WDR27: variants seen among roughly 807,000 people sequenced by gnomAD.
WDR27 encodes WD repeat domain 27.
Under a neutral mutation model 114.4 loss-of-function variants are expected in WDR27, and 100 were observed. That is an observed-to-expected ratio of 0.87 (90% confidence interval 0.74 to 1.03). The LOEUF is 1.03. Ranked by LOEUF, WDR27 falls within the 50% of genes least tolerant of loss-of-function variation. WDR27 has a pLI of 0.00. For synonymous variants in WDR27, 449 were observed against 423.1 expected, an observed-to-expected ratio of 1.06 and a Z score of -0.75; for missense variants, 1,129 against 1,092.9, an observed-to-expected ratio of 1.03 and a Z score of -0.47.
At chr6:169,505,090 T>TA (rs556128250) in intron 25 of WDR27, among the ~76,000 whole-genome samples, 2 of 152,210 alleles carry the variant, frequency 1.3e-5, no homozygotes, top group African/African-American at 2.4e-5. Context: ...TAATAAGTGA[T>TA]ATGCAGTATT....
intron 14 of WDR27, among the ~76,000 whole-genome samples, chr6:169,650,991 C>T (rs1485156841): frequency 1.3e-5 from 2 of 152,006 alleles, no homozygotes; most frequent in Non-Finnish European, 2.9e-5. Flanking sequence ...ACAAGCAGAG[C>T]AGGGAAGGGC....
At chr6:169,651,193 GAGTGGGGGAGT>G (rs1822431966) in intron 14 of WDR27, among the ~76,000 whole-genome samples, 1 of 67,776 alleles carries the variant, frequency 1.5e-5, no homozygotes, top group African/African-American at 8.1e-5. Flanking sequence ...CGGGGGGGGG[GAGTGGGGGAGT>G]GGGGGAGTGG....
chr6:169,569,138 G>A (rs916649678), intron 25 of WDR27, among the ~76,000 whole-genome samples: 2 of 152,218 alleles, frequency 1.3e-5, no homozygotes, highest in Non-Finnish European at 2.9e-5. Flanking sequence ...CCGTGGGACC[G>A]TGATGCTACT....
intron 13 of WDR27, among the ~76,000 whole-genome samples, chr6:169,655,823 G>A (rs573028371): frequency 5.0e-4 from 76 of 152,286 alleles, no homozygotes; most frequent in African/African-American, 1.6e-3. Flanking sequence ...GGGTTCAAGC[G>A]ATTCTCCTGC....
At chr6:169,666,681 G>C in intron 6 of WDR27, 1 of 986,516 alleles carries the variant, frequency 1.0e-6, no homozygotes, top group Non-Finnish European at 1.2e-6. Flanking sequence ...TCTGAGGGAA[G>C]AACGCAAGGA....
At chr6:169,501,135 C>T (rs558455560) in intron 25 of WDR27, among the ~76,000 whole-genome samples, 6 of 152,354 alleles carry the variant, frequency 3.9e-5, no homozygotes, top group Admixed American at 1.3e-4. Context: ...TGGGATTTGG[C>T]GGCTGGGCAT....
chr6:169,651,178 C>CGGGGGGGGGGGGG (rs200606067), intron 14 of WDR27, among the ~76,000 whole-genome samples: 2 of 3,398 alleles, frequency 5.9e-4, no homozygotes, highest in African/African-American at 4.1e-3. Context: ...CACAGCAGTG[C>CGGGGGGGGGGGGG]GGGGCGGGGG....
chr6:169,450,596 A>G, the WDR27 span, among the ~76,000 whole-genome samples: 1 of 152,204 alleles, frequency 6.6e-6, no homozygotes, highest in Non-Finnish European at 1.5e-5. Flanking sequence ...CCAGGATGAC[A>G]GAGCTCACCC....
At chr6:169,622,982 A>G (rs1224823135) in intron 21 of WDR27, among the ~76,000 whole-genome samples, 1 of 152,218 alleles carries the variant, frequency 6.6e-6, no homozygotes, top group Non-Finnish European at 1.5e-5. Flanking sequence ...AGGACCTACA[A>G]ATTAGCTCAA....
At chr6:169,492,715 G>A (rs1247447087) in intron 25 of WDR27, among the ~76,000 whole-genome samples, 1 of 151,880 alleles carries the variant, frequency 6.6e-6, no homozygotes, top group Admixed American at 6.6e-5. Flanking sequence ...AACCTAGAAG[G>A]AAGAAATGAG....
intron 17 of WDR27, among the ~76,000 whole-genome samples, chr6:169,640,593 C>T (rs987335176): frequency 3.3e-5 from 5 of 152,242 alleles, no homozygotes; most frequent in African/African-American, 7.2e-5. Context: ...CCACCCATGC[C>T]GCTTGTACCG....
intron 25 of WDR27, among the ~76,000 whole-genome samples, chr6:169,482,531 A>C (rs1788318205): frequency 6.6e-6 from 1 of 152,218 alleles, no homozygotes; most frequent in Non-Finnish European, 1.5e-5. Context: ...GCTGAGCACA[A>C]AGCAAGTTCT....
chr6:169,680,187 G>A (rs967817189), intron 2 of WDR27, among the ~76,000 whole-genome samples: 2 of 152,112 alleles, frequency 1.3e-5, no homozygotes, highest in Non-Finnish European at 2.9e-5. Flanking sequence ...GCTACCAGAC[G>A]GAAACATGCA....
intron 22 of WDR27, among the ~76,000 whole-genome samples, chr6:169,607,286 T>C (rs1809405310): frequency 6.6e-6 from 1 of 152,064 alleles, no homozygotes; most frequent in Non-Finnish European, 1.5e-5. Flanking sequence ...ACACATGCAC[T>C]CATATGTTTA....
At chr6:169,528,367 A>T (rs960266189) in intron 25 of WDR27, among the ~76,000 whole-genome samples, 1 of 152,194 alleles carries the variant, frequency 6.6e-6, no homozygotes, top group African/African-American at 2.4e-5. Flanking sequence ...CGGTCTAACA[A>T]CTGAAACCCT....
At chr6:169,616,741 TA>T (rs1217953840) in intron 21 of WDR27, among the ~76,000 whole-genome samples, 1 of 152,082 alleles carries the variant, frequency 6.6e-6, no homozygotes, top group Non-Finnish European at 1.5e-5. Context: ...TTTCAATAGA[TA>T]AAAAATCTCA....
rs1252735875 is a variant in WDR27, at chr6:169,659,804, T to G, written c.1130-286A>C. Among the ~76,000 whole-genome samples the G allele has an allele frequency of 6.6e-6, 1 of 152,032 alleles. No homozygotes were observed. Among genetic ancestry groups the G allele is most frequent in the African/African-American group, 2.4e-5 (1 of 41,376 alleles). On this transcript the variant is annotated intron_variant, in intron 10 of 25. Transcript: ENST00000448612. This position sits in a 1 kb window ranked among gnomAD's most constrained non-coding sequence, Gnocchi z 4.3. The stretch of plus-strand genomic sequence containing the variant: ...TCGGACTGAGACCTGCAGCTCAGCC[T>G]CCTGGAGAAGCCACATGTCCAGCAC...
intron 24 of WDR27, among the ~76,000 whole-genome samples, chr6:169,572,742 G>A (rs888129023): frequency 6.6e-6 from 1 of 152,058 alleles, no homozygotes; most frequent in African/African-American, 2.4e-5. Context: ...ACTTTGAGAA[G>A]CATTTGTCTA....
intron 25 of WDR27, among the ~76,000 whole-genome samples, chr6:169,555,459 GTTA>G (rs906930334): frequency 4.6e-5 from 7 of 152,128 alleles, no homozygotes; most frequent in Non-Finnish European, 8.8e-5. Flanking sequence ...GCTCAGCCTT[GTTA>G]GGACTCAATC....
Sources: gnomAD v4.1 joint callset for allele counts (sites outside exome capture counted in the v4.1 genomes callset) on GRCh38, gnomAD v4.1.1 for gene constraint, Gnocchi (gnomAD v3.1) non-coding constraint, MANE v1.5 for transcripts, NCBI Gene and HGNC (gene_info 2026-07-23, HGNC 2026-07-21) for gene names.